DGKB: variants seen among roughly 807,000 people sequenced by gnomAD.
DGKB encodes the protein 90 kDa diacylglycerol kinase.
Under a neutral mutation model 114.3 loss-of-function variants are expected in DGKB, and 67 were observed. The ratio of observed to expected loss-of-function variants is 0.59; its 90% CI spans 0.48 to 0.72. DGKB has a LOEUF of 0.72. DGKB is among the 30% of genes least tolerant of loss of function. DGKB has a pLI of 0.00. For missense variants in DGKB, 907 were observed against 975.2 expected, an observed-to-expected ratio of 0.93 and a Z score of 0.93; for synonymous variants, 398 against 323.1, an observed-to-expected ratio of 1.23 and a Z score of -2.49.
At chr7:14,960,722 T>G (rs945851224) in intron 1 of DGKB, among the ~76,000 whole-genome samples, 1 of 152,062 alleles carries the variant, frequency 6.6e-6, no homozygotes, top group Non-Finnish European at 1.5e-5. Context: ...GGTCAATCTG[T>G]GTTATTATTA....
At chr7:14,632,018 C>T (rs1053849485) in intron 13 of DGKB, among the ~76,000 whole-genome samples, 2 of 151,966 alleles carry the variant, frequency 1.3e-5, no homozygotes, top group South Asian at 4.1e-4. Context: ...AGAGTGTATG[C>T]TTACCATGCA....
intron 20 of DGKB, among the ~76,000 whole-genome samples, chr7:14,564,288 G>C (rs1392796212): frequency 6.6e-6 from 1 of 152,106 alleles, no homozygotes; most frequent in African/African-American, 2.4e-5. Flanking sequence ...GGAAGTGCTG[G>C]ACATTCAAAC....
At chr7:14,689,196 C>CTTATTTTTTTTATTT (rs1055110232) in intron 9 of DGKB, among the ~76,000 whole-genome samples, 2 of 80,304 alleles carry the variant, frequency 2.5e-5, no homozygotes, top group South Asian at 4.5e-4. Context: ...AGAAACTCCT[C>CTTATTTTTTTTATTT]TTATTTTTTT....
chr7:14,402,078 G>A (rs1004206307), intron 21 of DGKB, among the ~76,000 whole-genome samples: 2 of 151,048 alleles, frequency 1.3e-5, no homozygotes, highest in Non-Finnish European at 3.0e-5. Context: ...CTTGGGCAGG[G>A]GCTAATAATT....
At chr7:14,857,002 C>G (rs1472571301) in intron 1 of DGKB, among the ~76,000 whole-genome samples, 1 of 152,122 alleles carries the variant, frequency 6.6e-6, no homozygotes, top group African/African-American at 2.4e-5. Flanking sequence ...ACCAATAGAA[C>G]ATGGCAACAT....
At chr7:14,437,861 A>T (rs1829509416) in intron 21 of DGKB, among the ~76,000 whole-genome samples, 1 of 151,308 alleles carries the variant, frequency 6.6e-6, no homozygotes. Flanking sequence ...TTTTAAAGAC[A>T]GGACTTATTG....
chr7:14,633,589 CT>C (rs1810169300), intron 13 of DGKB, among the ~76,000 whole-genome samples: 1 of 151,754 alleles, frequency 6.6e-6, no homozygotes, highest in Non-Finnish European at 1.5e-5. Flanking sequence ...CGTATCACTT[CT>C]TTTTTTACTC....
At chr7:14,903,632 C>G (rs908441949), upstream of DGKB, among the ~76,000 whole-genome samples, 2 of 152,124 alleles carry the variant, frequency 1.3e-5, no homozygotes, top group African/African-American at 4.8e-5. Context: ...TGCATTCCGG[C>G]TTGGTAACCT....
At chr7:14,249,437 T>C (rs796750848) in intron 23 of DGKB, among the ~76,000 whole-genome samples, 5 of 152,300 alleles carry the variant, frequency 3.3e-5, no homozygotes, top group African/African-American at 1.2e-4. Context: ...TTTAAATGTT[T>C]AGTAGAATTC....
At chr7:14,857,530 G>T (rs2128172870) in intron 1 of DGKB, among the ~76,000 whole-genome samples, 1 of 152,198 alleles carries the variant, frequency 6.6e-6, no homozygotes, top group East Asian at 1.9e-4. Flanking sequence ...AAAATTTGTG[G>T]TAATTTGTTA....
At chr7:14,959,551 C>A (rs76957150) in intron 1 of DGKB, among the ~76,000 whole-genome samples, 5,528 of 151,908 alleles carry the variant, frequency 0.036, 161 homozygotes, top group Middle Eastern at 0.068. Flanking sequence ...TCATTTGTAG[C>A]CTAGTAACCA....
chr7:14,534,972 T>C, intron 20 of DGKB, among the ~76,000 whole-genome samples: 1 of 151,978 alleles, frequency 6.6e-6, no homozygotes, highest in Non-Finnish European at 1.5e-5. Context: ...AAAAGGAAAT[T>C]AGAGAATATC....
intron 21 of DGKB, among the ~76,000 whole-genome samples, chr7:14,412,304 T>A (rs780678317): frequency 6.6e-6 from 1 of 152,192 alleles, no homozygotes; most frequent in Non-Finnish European, 1.5e-5. Flanking sequence ...GTTGTTAGAA[T>A]AATCTCTAAA....
chr7:14,921,019 G>T (rs1311097033), intron 1 of DGKB, among the ~76,000 whole-genome samples: 1 of 152,098 alleles, frequency 6.6e-6, no homozygotes, highest in East Asian at 1.9e-4. Flanking sequence ...TGTGTGTTGT[G>T]AAGAGTTGGT....
rs1419755678 is a variant in DGKB at position 14,651,602 on chromosome 7, G to C, written c.1134+21327C>G. On this transcript the variant is annotated intron_variant, in intron 13 of 25. Coordinates refer to ENST00000402815, the MANE Select transcript of DGKB (RefSeq NM_001350709.2). The stretch of plus-strand genomic sequence containing the variant: ...GAAAACTGGCACAAGACAGGGATGC[G>C]CTCTCTCACCACTCCTATTCAACAT... Among the ~76,000 whole-genome samples, 1,054 of 140,728 alleles carry C rather than the reference G, an allele frequency of 7.5e-3. 4 individuals are homozygous for C. The highest frequency in any genetic ancestry group is 0.021 in the African/African-American group (798 of 37,148). 92.3% of individuals were successfully genotyped at this position (140,728 alleles called of 152,430 possible).
intron 4 of DGKB, among the ~76,000 whole-genome samples, chr7:14,747,279 A>G (rs868288134): frequency 6.7e-6 from 1 of 150,168 alleles, no homozygotes; most frequent in African/African-American, 2.5e-5. Flanking sequence ...TGCAGCCTCA[A>G]TCTCCCAGAC....
chr7:14,351,095 C>T (rs974300059), intron 21 of DGKB, among the ~76,000 whole-genome samples: 7 of 144,198 alleles, frequency 4.9e-5, no homozygotes, highest in African/African-American at 1.8e-4. Context: ...CTTAACTATG[C>T]TGGTTAATGG....
chr7:14,383,027 T>A (rs576079380), intron 21 of DGKB, among the ~76,000 whole-genome samples: 1 of 152,254 alleles, frequency 6.6e-6, no homozygotes, highest in Non-Finnish European at 1.5e-5. Flanking sequence ...GGTAATATTT[T>A]GACAGTTTTG....
chr7:14,757,395 AAT>A lies in DGKB; in HGVS notation c.147+258_147+259del, dbSNP rs148335959. Among the ~76,000 whole-genome samples, 1,170 of 152,200 alleles carry A rather than the reference AAT, an allele frequency of 7.7e-3. 16 individuals carry two copies. The highest frequency in any genetic ancestry group is 0.027 in the African/African-American group (1,105 of 41,546). On this transcript the variant is annotated intron_variant, in intron 3 of 25. Transcript: ENST00000402815. ...TTTGAACGAAAAATGTACAACATTT[AAT>A]ATATCTTCTAGAATAGCACTGCATT...
Sources: gnomAD v4.1 joint callset for allele counts (sites outside exome capture counted in the v4.1 genomes callset) on GRCh38, gnomAD v4.1.1 for gene constraint, MANE v1.5 for transcripts, NCBI Gene and HGNC (gene_info 2026-07-23, HGNC 2026-07-21) for gene names.